CGB8: variants seen among roughly 807,000 people sequenced by gnomAD.
CGB8 encodes the protein chorionic gonadotropin subunit beta 8.
CGB8 carries 2 observed loss-of-function variants against 7.6 expected under a neutral mutation model. The ratio of observed to expected loss-of-function variants is 0.26; its 90% CI spans 0.11 to 0.83. The LOEUF is 0.83. CGB8 is among the 40% of genes least tolerant of loss of function. The pLI is 0.65. For synonymous variants in CGB8, 8 were observed against 91.5 expected, an observed-to-expected ratio of 0.09 and a Z score of 5.21; for missense variants, 16 against 208.2, an observed-to-expected ratio of 0.08 and a Z score of 5.68.
rs1314591156 is a variant in CGB8 at position 49,049,096 on chromosome 19, G to T, written c.-357C>A. On this transcript the variant is annotated 5_prime_UTR_variant, in exon 1 of 3. Transcript: ENST00000448456. ...CAGGAGGAGGCCGTGACCCGAGAAA[G>T]GTGCTGGACTGAAGCCTCAACCCTC... is the stretch of plus-strand genomic sequence containing the variant. 1 of 1,127,188 alleles carries T rather than the reference G, an allele frequency of 8.9e-7. No homozygotes were observed. Among genetic ancestry groups the T allele is most frequent in the Admixed American group, 3.9e-5 (1 of 25,828 alleles). The allele number at this position is 1,127,188 out of a possible 1,614,324, so 69.8% of individuals were successfully genotyped here.
rs543985594 is a variant in CGB8, at chr19:49,048,732, A to T, written c.8T>A (p.Met3Lys). 1.9e-6 allele frequency: 3 copies of T among 1,613,098 alleles called. No homozygotes were observed. Among genetic ancestry groups the T allele is most frequent in the Non-Finnish European group, 8.5e-7 (1 of 1,179,866 alleles). ...GGGGCCCTGCAGTCTTACCTGGAACATCTCCATCCTTGGTGTGTCCCCTGC... is the reference window on the plus strand; with the variant it reads ...GGGGCCCTGCAGTCTTACCTGGAACTTCTCCATCCTTGGTGTGTCCCCTGC... ME[M>K]FQGLLLLLLL... The change falls in exon 1 of 3, where the codon ATG becomes AAG. Residue 3 changes from methionine (M) to lysine (K), a missense_variant. Coordinates refer to ENST00000448456, the MANE Select transcript of CGB8 (RefSeq NM_033183.3).
Position 49,048,763 on chromosome 19 carries a change from G to C in CGB8, c.-24C>G, listed in dbSNP as rs773895792. 3 of 1,612,994 alleles carry C rather than the reference G, an allele frequency of 1.9e-6. No individual in the cohort carries two copies. Among genetic ancestry groups the C allele is most frequent in the African/African-American group, 1.3e-5 (1 of 74,152 alleles). ...ATCCTTGGTGTGTCCCCTGCCTCGTGTACCTGGCTTTAAACCTCGGGGTTG... is the reference window on the plus strand; with the variant it reads ...ATCCTTGGTGTGTCCCCTGCCTCGTCTACCTGGCTTTAAACCTCGGGGTTG... On this transcript the variant is annotated 5_prime_UTR_variant, in exon 1 of 3. Coordinates refer to ENST00000448456, the MANE Select transcript of CGB8 (RefSeq NM_033183.3).
In CGB8 at chr19:49,048,768, T is replaced by A. The variant is rs752586487; in HGVS notation, c.-29A>T. On this transcript the variant is annotated 5_prime_UTR_variant, in exon 1 of 3. Coordinates refer to ENST00000448456, the MANE Select transcript of CGB8 (RefSeq NM_033183.3). ...TGGTGTGTCCCCTGCCTCGTGTACC[T>A]GGCTTTAAACCTCGGGGTTGTGGGG... 1.9e-6 allele frequency: 3 copies of A among 1,612,998 alleles called. No individual in the cohort carries two copies. The East Asian group carries it at 6.7e-5, about 36-fold the overall frequency.
Position 49,049,089 on chromosome 19 carries a change from C to G in CGB8, c.-350G>C, listed in dbSNP as rs559942017. 15 of 1,201,230 alleles carry G rather than the reference C, an allele frequency of 1.2e-5. No individual in the cohort carries two copies. Among genetic ancestry groups the G allele is most frequent in the South Asian group, 2.2e-5 (1 of 45,614 alleles). The allele number at this position is 1,201,230 out of a possible 1,614,324, so 74.4% of individuals were successfully genotyped here. A position where few individuals can be genotyped will look rare whatever the true frequency, so the allele number is the denominator to read the frequency against. ...TGGGAGCCAGGAGGAGGCCGTGACCCGAGAAAGGTGCTGGACTGAAGCCTC... is the reference window on the plus strand; with the variant it reads ...TGGGAGCCAGGAGGAGGCCGTGACCGGAGAAAGGTGCTGGACTGAAGCCTC... On this transcript the variant is annotated 5_prime_UTR_variant, in exon 1 of 3. Transcript: ENST00000448456.
rs568037183 is a variant in CGB8, at chr19:49,048,847, C to T, written c.-108G>A. 3 of 1,599,164 alleles carry T rather than the reference C, an allele frequency of 1.9e-6. No individual in the cohort carries two copies. The highest frequency in any genetic ancestry group is 1.7e-5 in the Admixed American group (1 of 59,688). On this transcript the variant is annotated 5_prime_UTR_variant, in exon 1 of 3. Coordinates refer to ENST00000448456, the MANE Select transcript of CGB8 (RefSeq NM_033183.3). ...TGCTGGAGTGAGCTCGACACTAACCCTTCGGGGGGCAAGAGGTAGACAAGG... is the reference window on the plus strand; with the variant it reads ...TGCTGGAGTGAGCTCGACACTAACCTTTCGGGGGGCAAGAGGTAGACAAGG...
Position 49,048,538 on chromosome 19 carries a change from C to G in CGB8, c.16-166G>C, listed in dbSNP as rs546095544. ...TGCCTTTCAGAGCCCACCCCACAGC[C>G]CAGAGGACCTGAGATACCCCAACAT... On this transcript the variant is annotated intron_variant, in intron 1 of 2. Coordinates refer to ENST00000448456, the MANE Select transcript of CGB8 (RefSeq NM_033183.3). Among the ~76,000 whole-genome samples, 13 of 151,674 alleles carry G rather than the reference C, an allele frequency of 8.6e-5. No individual in the cohort carries two copies. In the South Asian group the frequency reaches 2.7e-3, roughly 31 times the overall value.
At chr19:49,048,486 C>G in intron 1 of CGB8, 114 bp from the exon 2 acceptor site, 1 of 1,587,508 alleles carries the variant, frequency 6.3e-7, no homozygotes, top group Non-Finnish European at 8.5e-7. Flanking sequence ...CCGGCATCTC[C>G]TATTCAGGAC....
Position 49,047,894 on chromosome 19 carries a change from TG to T in CGB8, c.258del (p.Ile87SerfsTer10). ...VCNYRDVRFE[S>X]IRLPGCPRGV... is the part of the protein sequence containing the mutation. ...CCGCGCGGGCAGCCAGGGAGCCGGA[TG>T]GACTCGAAGCGCACATCGCGGTAGT... On this transcript the variant is annotated frameshift_variant, in exon 3 of 3. Coordinates refer to ENST00000448456, the MANE Select transcript of CGB8 (RefSeq NM_033183.3). LOFTEE classifies it low-confidence loss of function (END_TRUNC). The T allele has an allele frequency of 1.0e-6, 1 of 957,270 alleles. No individual in the cohort carries two copies. Among genetic ancestry groups the T allele is most frequent in the Non-Finnish European group, 1.6e-6 (1 of 635,600 alleles). 59.3% of individuals were successfully genotyped at this position (957,270 alleles called of 1,614,324 possible).
At position 49,048,802 on chromosome 19, in the gene CGB8, G is replaced by T. The variant is rs552249701; in HGVS notation, c.-63C>A. On this transcript the variant is annotated 5_prime_UTR_variant, in exon 1 of 3. Transcript: ENST00000448456. ...ACCTCGGGGTTGTGGGGGCGGCAAG[G>T]CCACCAGGAGGTTGTAGGATGCTGG... 2.2e-5 allele frequency: 35 copies of T among 1,612,518 alleles called. No individual in the cohort carries two copies. The highest frequency in any genetic ancestry group is 5.4e-5 in the African/African-American group (4 of 73,806).
rs1382350370 is a variant in CGB8 at position 49,049,082 on chromosome 19, C to T, written c.-343G>A. ...GGGGTCCTGGGAGCCAGGAGGAGGC[C>T]GTGACCCGAGAAAGGTGCTGGACTG... On this transcript the variant is annotated 5_prime_UTR_variant, in exon 1 of 3. Coordinates refer to ENST00000448456, the MANE Select transcript of CGB8 (RefSeq NM_033183.3). The T allele has an allele frequency of 4.1e-6, 5 of 1,210,674 alleles. No individual in the cohort carries two copies. The South Asian group carries it at 8.6e-5, about 21-fold the overall frequency. The allele number at this position is 1,210,674 out of a possible 1,614,324, so 75.0% of individuals were successfully genotyped here.
rs535343785 is a variant in CGB8, at chr19:49,048,872, G to T, written c.-133C>A. ...CTTCGGGGGGCAAGAGGTAGACAAG[G>T]CCAGGGGGGCGCAGGAGTGGCTCAG... is the stretch of plus-strand genomic sequence containing the variant. On this transcript the variant is annotated 5_prime_UTR_variant, in exon 1 of 3. Coordinates refer to ENST00000448456, the MANE Select transcript of CGB8 (RefSeq NM_033183.3). The T allele has an allele frequency of 7.2e-6, 11 of 1,519,514 alleles. No homozygotes were observed. Among genetic ancestry groups the T allele is most frequent in the African/African-American group, 2.8e-5 (2 of 71,302 alleles). The allele number at this position is 1,519,514 out of a possible 1,614,324, so 94.1% of individuals were successfully genotyped here. A position where few individuals can be genotyped will look rare whatever the true frequency, so the allele number is the denominator to read the frequency against.
At chr19:49,048,546 C>T (rs1308546286) in intron 1 of CGB8, among the ~76,000 whole-genome samples, 174 bp from the exon 2 acceptor site, 2 of 151,560 alleles carry the variant, frequency 1.3e-5, no homozygotes, top group East Asian at 1.9e-4. Flanking sequence ...GCCCAGAGGA[C>T]CTGAGATACC....
At position 49,048,913 on chromosome 19, in the gene CGB8, C is replaced by G. The variant is rs1462241730; in HGVS notation, c.-174G>C. On this transcript the variant is annotated 5_prime_UTR_variant, in exon 1 of 3. Transcript: ENST00000448456. ...AGTGGCTCAGCGGAGCGCCCCAGCC[C>G]TCTCCTCTCACTGGTCCAGCGCCAA... 2 of 1,315,610 alleles carry G rather than the reference C, an allele frequency of 1.5e-6. No individual in the cohort carries two copies. The highest frequency in any genetic ancestry group is 2.3e-5 in the Admixed American group (1 of 43,090). 81.5% of individuals were successfully genotyped at this position (1,315,610 alleles called of 1,614,324 possible).
rs374795743 is a variant in CGB8, at chr19:49,048,722, T to C, written c.15+3A>G. ...AAGGTGCCCAGGGGCCCTGCAGTCTTACCTGGAACATCTCCATCCTTGGTG... is the reference window on the plus strand; with the variant it reads ...AAGGTGCCCAGGGGCCCTGCAGTCTCACCTGGAACATCTCCATCCTTGGTG... On this transcript the variant is annotated splice_donor_region_variant and intron_variant, in intron 1 of 2. Coordinates refer to ENST00000448456, the MANE Select transcript of CGB8 (RefSeq NM_033183.3). 1.4e-5 allele frequency: 23 copies of C among 1,613,132 alleles called. No homozygotes were observed. Among genetic ancestry groups the C allele is most frequent in the African/African-American group, 6.7e-5 (5 of 74,484 alleles).
rs755955723 is a variant in CGB8 at position 49,048,725 on chromosome 19, C to T, written c.15G>A (p.Gln5=). MEMF[Q]GLLLLLLLSM... ...GTGCCCAGGGGCCCTGCAGTCTTAC[C>T]TGGAACATCTCCATCCTTGGTGTGT... The change falls in exon 1 of 3, where the codon CAG becomes CAA. Residue 5 remains glutamine (Q), a splice_region_variant and synonymous_variant. Transcript: ENST00000448456. 6.2e-7 allele frequency: 1 copy of T among 1,613,238 alleles called. No homozygotes were observed. Among genetic ancestry groups the T allele is most frequent in the Non-Finnish European group, 8.5e-7 (1 of 1,179,866 alleles).
At chr19:49,048,503 C>G in intron 1 of CGB8, 131 bp from the exon 2 acceptor site, 1 of 1,543,928 alleles carries the variant, frequency 6.5e-7, no homozygotes, top group African/African-American at 1.4e-5. Flanking sequence ...GGACCCACCA[C>G]CCGGACACCT....
rs1399740701 is a variant in CGB8 at position 49,047,702 on chromosome 19, G to C, written c.451C>G (p.Pro151Ala). ...SKAPPPSLPS[P>A]SRLPGPSDTP... ...TCCGAGGGCCCCGGGAGTCGGGATGGACTTGGAAGGCTGGGGGGAGGGGCC... is the reference window on the plus strand; with the variant it reads ...TCCGAGGGCCCCGGGAGTCGGGATGCACTTGGAAGGCTGGGGGGAGGGGCC... Residue 151 changes from proline (P) to alanine (A), a missense_variant, in exon 3 of 3, where the codon CCA becomes GCA. Physicochemically the swap from Pro to Ala is conservative, Grantham distance 27. Transcript: ENST00000448456. 2 of 1,609,808 alleles carry C rather than the reference G, an allele frequency of 1.2e-6. No homozygotes were observed.
chr19:49,048,788 G>C lies in CGB8; in HGVS notation c.-49C>G, dbSNP rs2039964680. On this transcript the variant is annotated 5_prime_UTR_variant, in exon 1 of 3. Coordinates refer to ENST00000448456, the MANE Select transcript of CGB8 (RefSeq NM_033183.3). Reference sequence around the variant, plus strand: ...GTACCTGGCTTTAAACCTCGGGGTTGTGGGGGCGGCAAGGCCACCAGGAGG... The same window carrying C: ...GTACCTGGCTTTAAACCTCGGGGTTCTGGGGGCGGCAAGGCCACCAGGAGG... The C allele has an allele frequency of 6.2e-7, 1 of 1,612,780 alleles. No individual in the cohort carries two copies. The highest frequency in any genetic ancestry group is 1.7e-5 in the Admixed American group (1 of 59,984).
rs1248397278 is a variant in CGB8 at position 49,048,820 on chromosome 19, G to A, written c.-81C>T. The stretch of plus-strand genomic sequence containing the variant: ...CGGCAAGGCCACCAGGAGGTTGTAG[G>A]ATGCTGGAGTGAGCTCGACACTAAC... On this transcript the variant is annotated 5_prime_UTR_variant, in exon 1 of 3. Transcript: ENST00000448456. 80 of 1,611,682 alleles carry A rather than the reference G, an allele frequency of 5.0e-5. No individual in the cohort carries two copies. Among genetic ancestry groups the A allele is most frequent in the Non-Finnish European group, 6.0e-5 (71 of 1,179,272 alleles).
Sources: allele counts gnomAD v4.1 joint callset (sites outside exome capture counted in the v4.1 genomes callset), GRCh38; gene constraint gnomAD v4.1.1; transcripts MANE v1.5; gene names NCBI Gene and HGNC (gene_info 2026-07-23, HGNC 2026-07-21).